CTNNAL1: variants seen among roughly 807,000 people sequenced by gnomAD.
CTNNAL1 encodes the protein alpha-catulin.
In CTNNAL1, 69 loss-of-function variants were observed where a neutral mutation model predicts 93.6. The ratio of observed to expected loss-of-function variants is 0.74; its 90% CI spans 0.61 to 0.90. CTNNAL1 has a LOEUF of 0.90. Ranked by LOEUF, CTNNAL1 falls within the 40% of genes least tolerant of loss-of-function variation. The pLI is 0.00. For synonymous variants in CTNNAL1, 286 were observed against 305.4 expected, an observed-to-expected ratio of 0.94 and a Z score of 0.66; for missense variants, 836 against 862.0, an observed-to-expected ratio of 0.97 and a Z score of 0.38.
At chr9:108,949,810 C>T (rs1398141025) in intron 14 of CTNNAL1, among the ~76,000 whole-genome samples, 1 of 152,132 alleles carries the variant, frequency 6.6e-6, no homozygotes, top group Non-Finnish European at 1.5e-5. Flanking sequence ...CACCACTGCA[C>T]TCCAGCCTGG....
At chr9:108,943,072 T>C in intron 17 of CTNNAL1, 28 bp from the exon 18 acceptor site, 1 of 1,580,770 alleles carries the variant, frequency 6.3e-7, no homozygotes, top group East Asian at 2.2e-5. Context: ...ATGCAAATGA[T>C]ATTCTAAAAG....
chr9:108,994,014 GA>G (rs1484105785), intron 2 of CTNNAL1, among the ~76,000 whole-genome samples: 2 of 152,172 alleles, frequency 1.3e-5, no homozygotes, highest in Non-Finnish European at 2.9e-5. Context: ...TGGATCACCT[GA>G]GGTCAGGAGT....
chr9:108,958,708 T>A (rs1830747955), intron 11 of CTNNAL1, among the ~76,000 whole-genome samples: 2 of 151,914 alleles, frequency 1.3e-5, no homozygotes, highest in African/African-American at 4.8e-5. Flanking sequence ...TTTCCCAATT[T>A]TTTTATAGAT....
chr9:109,002,347 T>A (rs1826860659), intron 1 of CTNNAL1, among the ~76,000 whole-genome samples: 1 of 152,114 alleles, frequency 6.6e-6, no homozygotes, highest in South Asian at 2.1e-4. Flanking sequence ...CTTAATACCA[T>A]CATTATGAGG....
At chr9:109,008,848 T>TA (rs1827116055) in intron 1 of CTNNAL1, among the ~76,000 whole-genome samples, 1 of 151,342 alleles carries the variant, frequency 6.6e-6, no homozygotes, top group African/African-American at 2.4e-5. Flanking sequence ...CTTAATGACT[T>TA]ACGTTTTCCT....
At chr9:108,999,901 T>G (rs1826733568) in intron 1 of CTNNAL1, among the ~76,000 whole-genome samples, 1 of 152,186 alleles carries the variant, frequency 6.6e-6, no homozygotes, top group African/African-American at 2.4e-5. Flanking sequence ...CAAACATAAT[T>G]CTTCAAAATA....
intron 11 of CTNNAL1, among the ~76,000 whole-genome samples, chr9:108,964,644 G>A (rs1338805738): frequency 6.6e-6 from 1 of 151,892 alleles, no homozygotes; most frequent in Non-Finnish European, 1.5e-5. Flanking sequence ...CCATCCAAGT[G>A]GAAGGAAAGC....
chr9:108,955,772 C>A lies in CTNNAL1; in HGVS notation c.1629+18G>T, dbSNP rs533494171. 1 of 1,594,832 alleles carries A rather than the reference C, an allele frequency of 6.3e-7. No individual in the cohort carries two copies. The highest frequency in any genetic ancestry group is 1.1e-5 in the South Asian group (1 of 88,820). ...CTGAATAAAAACATTCTGCAATGTACATAATTCTTCTACTTACCATTGGCT... is the reference window on the plus strand; with the variant it reads ...CTGAATAAAAACATTCTGCAATGTAAATAATTCTTCTACTTACCATTGGCT... On this transcript the variant is annotated intron_variant, in intron 12 of 18. Coordinates refer to ENST00000325551, the MANE Select transcript of CTNNAL1 (RefSeq NM_003798.4).
intron 14 of CTNNAL1, among the ~76,000 whole-genome samples, chr9:108,950,286 T>C (rs1830521854): frequency 6.6e-6 from 1 of 152,236 alleles, no homozygotes; most frequent in Non-Finnish European, 1.5e-5. Context: ...TTTAGAGGCC[T>C]GGGCCATCAG....
Position 108,990,814 on chromosome 9 carries a change from A to T in CTNNAL1, c.551T>A (p.Val184Glu), listed in dbSNP as rs1190513937. ...TTGGACAAACTCTTGAAAGCTATTC[A>T]CTTTCTCTAGTCTTTCCATAGTTGC... ...VLATMERLEK[V>E]NSFQEFVQIF... Residue 184 changes from valine to glutamate, a missense_variant, in exon 4 of 19, where the codon GTG (valine) becomes GAG (glutamate). Transcript: ENST00000325551. 6.2e-7 allele frequency: 1 copy of T among 1,613,398 alleles called. No homozygotes were observed. Among genetic ancestry groups the T allele is most frequent in the African/African-American group, 1.3e-5 (1 of 74,906 alleles).
At chr9:108,953,410 A>C (rs1830614315) in intron 12 of CTNNAL1, among the ~76,000 whole-genome samples, 1 of 152,218 alleles carries the variant, frequency 6.6e-6, no homozygotes, top group South Asian at 2.1e-4. Flanking sequence ...GGGTTTGTAG[A>C]GAAAAGGGGG....
At chr9:108,950,581 T>C (rs1338077062) in intron 14 of CTNNAL1, 1 of 1,550,230 alleles carries the variant, frequency 6.5e-7, no homozygotes, top group Non-Finnish European at 8.7e-7. Context: ...GACTGCATCT[T>C]CCCCACTCTT....
intron 12 of CTNNAL1, among the ~76,000 whole-genome samples, chr9:108,953,979 C>A (rs1486532608): frequency 1.3e-5 from 2 of 152,076 alleles, no homozygotes; most frequent in Non-Finnish European, 2.9e-5. Flanking sequence ...GTAAGGAACA[C>A]CCTCAAGGTT....
intron 12 of CTNNAL1, among the ~76,000 whole-genome samples, chr9:108,953,671 C>T (rs552682865): frequency 1.3e-5 from 2 of 152,344 alleles, no homozygotes; most frequent in East Asian, 3.9e-4. Flanking sequence ...AGTTTCACCA[C>T]AGAACAAAAC....
chr9:109,011,134 T>C (rs1827190956), intron 1 of CTNNAL1, among the ~76,000 whole-genome samples: 1 of 152,220 alleles, frequency 6.6e-6, no homozygotes, highest in Non-Finnish European at 1.5e-5. Context: ...AGAACTGCTG[T>C]TTTAATCTCC....
intron 1 of CTNNAL1, among the ~76,000 whole-genome samples, chr9:108,999,803 T>C (rs1329009815): frequency 6.6e-6 from 1 of 152,198 alleles, no homozygotes; most frequent in Non-Finnish European, 1.5e-5. Flanking sequence ...TGCATCCGAC[T>C]CAAAATAAAC....
chr9:109,001,958 C>T (rs904682777), intron 1 of CTNNAL1, among the ~76,000 whole-genome samples: 1 of 152,074 alleles, frequency 6.6e-6, no homozygotes, highest in Non-Finnish European at 1.5e-5. Context: ...GAGGCTGTAA[C>T]AAAACTTAAA....
At chr9:108,983,997 A>C (rs1831521635) in intron 5 of CTNNAL1, among the ~76,000 whole-genome samples, 1 of 152,222 alleles carries the variant, frequency 6.6e-6, no homozygotes, top group Non-Finnish European at 1.5e-5. Flanking sequence ...ACTGTATTTA[A>C]CAGATCTTAA....
chr9:109,011,051 A>G (rs374789275), intron 1 of CTNNAL1, among the ~76,000 whole-genome samples: 1 of 152,264 alleles, frequency 6.6e-6, no homozygotes, highest in Non-Finnish European at 1.5e-5. Context: ...TGTGGATGAG[A>G]TGGTGAAACA....
Sources: allele counts gnomAD v4.1 joint callset (sites outside exome capture counted in the v4.1 genomes callset), GRCh38; gene constraint gnomAD v4.1.1; transcripts MANE v1.5; gene names NCBI Gene and HGNC (gene_info 2026-07-23, HGNC 2026-07-21).